Variants in LEKR1 observed in about 807,000 individuals in gnomAD.
The protein encoded by LEKR1 is leucine, glutamate and lysine rich 1, also known as protein LEKR1.
Under a neutral mutation model 72.4 loss-of-function variants are expected in LEKR1, and 59 were observed. The ratio of observed to expected loss-of-function variants is 0.82; its 90% CI spans 0.66 to 1.01. The LOEUF (loss-of-function observed/expected upper bound fraction) is 1.01, where lower values mean the gene tolerates loss of function less well. LEKR1 is among the 50% of genes least tolerant of loss of function. The pLI is 0.00. For synonymous variants in LEKR1, 257 were observed against 263.2 expected, an observed-to-expected ratio of 0.98 and a Z score of 0.23; for missense variants, 728 against 759.2, an observed-to-expected ratio of 0.96 and a Z score of 0.48.
At chr3:156,985,030 G>A (rs1730555563) in intron 7 of LEKR1, among the ~76,000 whole-genome samples, 1 of 151,774 alleles carries the variant, frequency 6.6e-6, no homozygotes, top group Admixed American at 6.6e-5. Context: ...TGGCCTGGTG[G>A]CATTCCAGTG....
intron 6 of LEKR1, among the ~76,000 whole-genome samples, chr3:156,971,317 T>G (rs1729164065): frequency 6.6e-6 from 1 of 152,132 alleles, no homozygotes; most frequent in South Asian, 2.1e-4. Context: ...ATCCCTTCCT[T>G]ACACCTTATA....
intron 6 of LEKR1, among the ~76,000 whole-genome samples, chr3:156,978,437 A>G (rs1252017023): frequency 6.6e-6 from 1 of 152,192 alleles, no homozygotes; most frequent in Non-Finnish European, 1.5e-5. Context: ...GTTTTCCATT[A>G]TAACTTATTC....
chr3:157,007,167 C>T (rs1343216887), intron 9 of LEKR1, among the ~76,000 whole-genome samples: 1 of 152,092 alleles, frequency 6.6e-6, no homozygotes, highest in Non-Finnish European at 1.5e-5. Context: ...CGCCATTGCA[C>T]TCCAGCCTGG....
intron 6 of LEKR1, among the ~76,000 whole-genome samples, chr3:156,967,551 G>A (rs1728744991): frequency 6.6e-6 from 1 of 152,174 alleles, no homozygotes; most frequent in Non-Finnish European, 1.5e-5. Flanking sequence ...TGAATGAAAT[G>A]AAGCAAGAAG....
At chr3:156,901,508 A>G (rs573398116) in intron 3 of LEKR1, among the ~76,000 whole-genome samples, 61 of 152,202 alleles carry the variant, frequency 4.0e-4, no homozygotes, top group African/African-American at 1.4e-3. Flanking sequence ...TGTAATTCAT[A>G]TTTTTGAGTG....
At position 157,020,896 on chromosome 3, in the gene LEKR1, C is replaced by T. The variant is rs1444666817; in HGVS notation, c.1204-3864C>T. Among the ~76,000 whole-genome samples the T allele has an allele frequency of 1.3e-5, 2 of 151,276 alleles. 1 individual carries two copies. The highest frequency in any genetic ancestry group is 3.0e-5 in the Non-Finnish European group (2 of 67,562). ...TTGAACTAGTTTACAGTCCCACCAA[C>T]AGTGTAAAAGGGTTCCTATTTCTCC... On this transcript the variant is annotated intron_variant, in intron 10 of 12. Coordinates refer to ENST00000356539, the MANE Select transcript of LEKR1 (RefSeq NM_001004316.3).
At chr3:156,902,066 C>T (rs1442004207) in intron 3 of LEKR1, among the ~76,000 whole-genome samples, 1 of 152,026 alleles carries the variant, frequency 6.6e-6, no homozygotes, top group East Asian at 1.9e-4. Context: ...GAAAAACAGA[C>T]CAGGGTTTAA....
chr3:157,026,828 T>A (rs1577015256), intron 11 of LEKR1, among the ~76,000 whole-genome samples: 1 of 152,322 alleles, frequency 6.6e-6, no homozygotes, highest in East Asian at 1.9e-4. Context: ...GCAGCTCTTG[T>A]TTCGTTGTTT....
chr3:156,853,154 T>C (rs907301266), intron 3 of LEKR1, 172 bp downstream of exon 3: 2 of 347,110 alleles, frequency 5.8e-6, no homozygotes, highest in African/African-American at 4.2e-5. Flanking sequence ...TATAGTTTGC[T>C]TTCTTTTGAG....
chr3:156,896,348 C>T (rs556856929), intron 3 of LEKR1, among the ~76,000 whole-genome samples: 1 of 152,112 alleles, frequency 6.6e-6, no homozygotes, highest in Admixed American at 6.5e-5. Context: ...TACCATGGAA[C>T]TTAAAAGTTG....
At chr3:156,880,994 G>A (rs1346256286) in intron 3 of LEKR1, among the ~76,000 whole-genome samples, 8 of 152,104 alleles carry the variant, frequency 5.3e-5, no homozygotes, top group South Asian at 2.1e-4. Flanking sequence ...TTGATGGGAC[G>A]TATCTCAAAA....
chr3:157,008,019 C>T (rs1732600423), intron 9 of LEKR1, among the ~76,000 whole-genome samples: 1 of 152,150 alleles, frequency 6.6e-6, no homozygotes, highest in Non-Finnish European at 1.5e-5. Flanking sequence ...TGGAAGAAAG[C>T]CCTGAGTAAA....
chr3:156,983,809 C>T (rs62275843), intron 7 of LEKR1, among the ~76,000 whole-genome samples: 4,806 of 152,212 alleles, frequency 0.032, 109 homozygotes, highest in Non-Finnish European at 0.046. Flanking sequence ...CCCTTCATTA[C>T]ACCTCTAAAA....
At chr3:156,835,184 G>A (rs1224034979) in intron 2 of LEKR1, among the ~76,000 whole-genome samples, 1 of 152,216 alleles carries the variant, frequency 6.6e-6, no homozygotes, top group Non-Finnish European at 1.5e-5. Flanking sequence ...TAAAGGGACA[G>A]CTCCTAGGTG....
chr3:157,045,857 C>A lies in LEKR1; in HGVS notation c.*107C>A. On this transcript the variant is annotated 3_prime_UTR_variant, in exon 13 of 13. Transcript: ENST00000356539. Reference sequence around the variant, plus strand: ...CAATGATAAAATTATTTTCACAGATCAGGAAGGCATACCTATAGATGTATT... The same window carrying A: ...CAATGATAAAATTATTTTCACAGATAAGGAAGGCATACCTATAGATGTATT... The A allele has an allele frequency of 9.8e-7, 1 of 1,020,748 alleles. No individual in the cohort carries two copies. The highest frequency in any genetic ancestry group is 1.6e-5 in the African/African-American group (1 of 62,230). 63.2% of individuals were successfully genotyped at this position (1,020,748 alleles called of 1,614,324 possible).
Position 157,046,037 on chromosome 3 carries a change from A to G in LEKR1, c.*287A>G. 3.4e-6 allele frequency: 1 copy of G among 291,224 alleles called. No homozygotes were observed. The highest frequency in any genetic ancestry group is 1.1e-4 in the South Asian group (1 of 9,444). 18.0% of individuals were successfully genotyped at this position (291,224 alleles called of 1,614,324 possible). On this transcript the variant is annotated 3_prime_UTR_variant, in exon 13 of 13. Transcript: ENST00000356539. ...CTATGAATATAGCCTTTTAGAGATC[A>G]CAGGTAAAATTTTTCACCCATAACA...
At chr3:157,042,251 C>G (rs1037378634) in intron 12 of LEKR1, among the ~76,000 whole-genome samples, 15 of 152,172 alleles carry the variant, frequency 9.9e-5, no homozygotes, top group African/African-American at 3.4e-4. Flanking sequence ...GGTTTGGGAA[C>G]TAATAGAAGA....
At chr3:156,860,027 T>C (rs1429475071) in intron 3 of LEKR1, among the ~76,000 whole-genome samples, 1 of 152,152 alleles carries the variant, frequency 6.6e-6, no homozygotes, top group African/African-American at 2.4e-5. Flanking sequence ...TTTTATTGCC[T>C]TGGTATTTAT....
At chr3:156,878,654 A>G (rs1009457467) in intron 3 of LEKR1, among the ~76,000 whole-genome samples, 2 of 152,072 alleles carry the variant, frequency 1.3e-5, no homozygotes, top group Non-Finnish European at 2.9e-5. Flanking sequence ...TTGTTCTGAG[A>G]TATAGTTTAA....
Sources: gnomAD v4.1 joint callset for allele counts (sites outside exome capture counted in the v4.1 genomes callset) on GRCh38, gnomAD v4.1.1 for gene constraint, MANE v1.5 for transcripts, NCBI Gene and HGNC (gene_info 2026-07-23, HGNC 2026-07-21) for gene names.